BICRAL: variants seen among roughly 807,000 people sequenced by gnomAD.
The protein encoded by BICRAL is BICRA like chromatin remodeling complex associated protein, also known as BRD4-interacting chromatin-remodeling complex-associated protein-like.
BICRAL carries 8 observed loss-of-function variants against 91.8 expected under a neutral mutation model. The ratio of observed to expected loss-of-function variants is 0.09; its 90% CI spans 0.05 to 0.16. The LOEUF (loss-of-function observed/expected upper bound fraction) is 0.16, where lower values mean the gene tolerates loss of function less well. BICRAL is among the 10% of genes least tolerant of loss of function. The pLI, the probability that BICRAL is intolerant of heterozygous loss-of-function variation, is 1.00. For missense variants in BICRAL, 1,038 were observed against 1,310.9 expected, an observed-to-expected ratio of 0.79 and a Z score of 3.21; for synonymous variants, 445 against 491.1, an observed-to-expected ratio of 0.91 and a Z score of 1.24.
intron 6 of BICRAL, among the ~76,000 whole-genome samples, chr6:42,847,628 A>T (rs1023198586): frequency 6.6e-6 from 1 of 152,068 alleles, no homozygotes; most frequent in South Asian, 2.1e-4. Context: ...AAAATTAAAA[A>T]ATTAGCCAGG....
chr6:42,820,604 A>G (rs1211667667), intron 2 of BICRAL, among the ~76,000 whole-genome samples: 3 of 152,174 alleles, frequency 2.0e-5, no homozygotes, highest in African/African-American at 4.8e-5. Flanking sequence ...TTACACTAGT[A>G]TAGTCATGTG....
intron 6 of BICRAL, among the ~76,000 whole-genome samples, chr6:42,830,550 C>A (rs1009143878): frequency 8.2e-5 from 12 of 146,806 alleles, no homozygotes; most frequent in Admixed American, 2.0e-4. Flanking sequence ...TAGAGTGAGA[C>A]CCTGTCTCAA....
Position 42,866,613 on chromosome 6 carries a change from A to T in BICRAL, c.*1167A>T. 3 of 342,216 alleles carry T rather than the reference A, an allele frequency of 8.8e-6. No homozygotes were observed. Among genetic ancestry groups the T allele is most frequent in the South Asian group, 6.9e-5 (3 of 43,208 alleles). The allele number at this position is 342,216 out of a possible 1,614,324, so 21.2% of individuals were successfully genotyped here. ...GCAATTCATTACCAAAACACAGACA[A>T]ACCAAAGGTAACCAGCTAGCCCACC... On this transcript the variant is annotated 3_prime_UTR_variant, in exon 13 of 13. Coordinates refer to ENST00000314073, the MANE Select transcript of BICRAL (RefSeq NM_001393499.1).
chr6:42,802,043 G>A (rs941884531), intron 1 of BICRAL, among the ~76,000 whole-genome samples: 2 of 152,254 alleles, frequency 1.3e-5, no homozygotes, highest in African/African-American at 4.8e-5. Flanking sequence ...GGGAGGCCAA[G>A]GCAGGAGGAT....
chr6:42,755,571 T>C lies in BICRAL; in HGVS notation c.-261+8548T>C, dbSNP rs1414851816. The stretch of plus-strand genomic sequence containing the variant: ...TCTAACTTATCTGTGAAGACCCACC[T>C]CTTTGTCTCTCTCCTTCTCACTCAG... On this transcript the variant is annotated intron_variant, in intron 1 of 14. Coordinates refer to the BICRAL transcript ENST00000614467. Among the ~76,000 whole-genome samples the C allele has an allele frequency of 2.0e-5, 3 of 152,038 alleles. No individual in the cohort carries two copies. In the East Asian group the frequency reaches 5.8e-4, roughly 29 times the overall value.
At chr6:42,799,043 T>G (rs1763493869) in intron 1 of BICRAL, among the ~76,000 whole-genome samples, 1 of 152,178 alleles carries the variant, frequency 6.6e-6, no homozygotes, top group African/African-American at 2.4e-5. Context: ...GAGGGCTGAC[T>G]ATATTAACAG....
chr6:42,855,857 T>G lies in BICRAL; in HGVS notation c.2048T>G (p.Val683Gly). ...GSSPGHPAVQ[V>G]ESHSGGQKRP... is the part of the protein sequence containing the mutation. ...ATAAGAGGTTTGTTTTGTCTTTAGG[T>G]GGAGAGTCATTCGGGAGGACAAAAA... The change falls in exon 9 of 13, where the codon GTG (valine) becomes GGG (glycine). Residue 683 changes from valine (V) to glycine (G), a missense_variant and splice_region_variant. Around this residue, in one of 5 missense-constraint regions of BICRAL, gnomAD observed 532 missense variants for 724.9 expected, o/e 0.73. Coordinates refer to ENST00000314073, the MANE Select transcript of BICRAL (RefSeq NM_001393499.1). The G allele has an allele frequency of 6.2e-7, 1 of 1,612,460 alleles. No homozygotes were observed. Among genetic ancestry groups the G allele is most frequent in the Non-Finnish European group, 8.5e-7 (1 of 1,178,564 alleles).
At chr6:42,827,669 C>G (rs1227066796) in intron 5 of BICRAL, among the ~76,000 whole-genome samples, 1 of 152,120 alleles carries the variant, frequency 6.6e-6, no homozygotes, top group Non-Finnish European at 1.5e-5. Context: ...TACTTGCGTG[C>G]AGGAGTTCAA....
intron 1 of BICRAL, among the ~76,000 whole-genome samples, chr6:42,748,125 T>TC (rs1256839934): frequency 1.3e-5 from 2 of 149,878 alleles, no homozygotes; most frequent in African/African-American, 4.9e-5. Flanking sequence ...TTTTTTTTTT[T>TC]CCAGAAAAGC....
chr6:42,845,773 T>C (rs755736630), intron 6 of BICRAL, among the ~76,000 whole-genome samples: 3 of 152,028 alleles, frequency 2.0e-5, no homozygotes, highest in East Asian at 1.9e-4. Flanking sequence ...TAAAAAGTTA[T>C]AGATTCCTGG....
chr6:42,770,644 G>A (rs1489486214), intron 1 of BICRAL, among the ~76,000 whole-genome samples: 3 of 151,678 alleles, frequency 2.0e-5, no homozygotes, highest in Non-Finnish European at 4.4e-5. Flanking sequence ...TCGAACTCCT[G>A]ACCTCAGGTG....
intron 5 of BICRAL, 82 bp from the exon 6 acceptor site, chr6:42,828,411 A>T: frequency 7.5e-7 from 1 of 1,332,796 alleles, no homozygotes; most frequent in South Asian, 1.5e-5. Context: ...AAAAAAAAAA[A>T]AAAAAGTAAA....
In BICRAL at chr6:42,868,329, A is replaced by G. The variant is rs1765772396; in HGVS notation, c.*2883A>G. ...TTTGCTTAAATACCTTCATTTGTATAGTACGTCTCACTTGAAATTGCTTTG... is the reference window on the plus strand; with the variant it reads ...TTTGCTTAAATACCTTCATTTGTATGGTACGTCTCACTTGAAATTGCTTTG... On this transcript the variant is annotated 3_prime_UTR_variant, in exon 13 of 13. Coordinates refer to ENST00000314073, the MANE Select transcript of BICRAL (RefSeq NM_001393499.1). 1 of 152,420 alleles carries G rather than the reference A, an allele frequency of 6.6e-6. No homozygotes were observed. The highest frequency in any genetic ancestry group is 2.1e-4 in the South Asian group (1 of 4,824). 9.4% of individuals were successfully genotyped at this position (152,420 alleles called of 1,614,324 possible). A position where few individuals can be genotyped will look rare whatever the true frequency, so the allele number is the denominator to read the frequency against.
chr6:42,758,011 C>T (rs981945828), intron 1 of BICRAL, among the ~76,000 whole-genome samples: 2 of 152,178 alleles, frequency 1.3e-5, no homozygotes, highest in Non-Finnish European at 2.9e-5. Context: ...ACACCAAATC[C>T]ATAGTCTTCC....
intron 5 of BICRAL, among the ~76,000 whole-genome samples, chr6:42,827,478 A>G (rs1764338034): frequency 6.6e-6 from 1 of 152,350 alleles, no homozygotes; most frequent in Non-Finnish European, 1.5e-5. Flanking sequence ...TTATTTAGCA[A>G]CTGTCCTATT....
At chr6:42,850,122 T>A (rs1765133473) in intron 6 of BICRAL, among the ~76,000 whole-genome samples, 1 of 152,186 alleles carries the variant, frequency 6.6e-6, no homozygotes, top group Non-Finnish European at 1.5e-5. Flanking sequence ...AGCACTTACA[T>A]GTGAATGGTT....
chr6:42,819,089 C>G (rs1371395918), intron 2 of BICRAL, among the ~76,000 whole-genome samples: 2 of 152,074 alleles, frequency 1.3e-5, no homozygotes, highest in Admixed American at 6.6e-5. Flanking sequence ...AGGGATTTCC[C>G]CTTAGCCTCA....
At chr6:42,791,351 C>T (rs1485677808) in intron 1 of BICRAL, among the ~76,000 whole-genome samples, 1 of 152,128 alleles carries the variant, frequency 6.6e-6, no homozygotes, top group African/African-American at 2.4e-5. Context: ...TTATTTGGCT[C>T]TCTTATCTTG....
intron 1 of BICRAL, among the ~76,000 whole-genome samples, chr6:42,753,755 G>A (rs1474752879): frequency 2.6e-5 from 4 of 152,148 alleles, no homozygotes; most frequent in Non-Finnish European, 4.4e-5. Context: ...GGGATTACAG[G>A]TGTGCGCCAC....
Sources: gnomAD v4.1 joint callset for allele counts (sites outside exome capture counted in the v4.1 genomes callset) on GRCh38, gnomAD v4.1.1 for gene constraint, gnomAD v4.1.1 regional missense constraint, MANE v1.5 for transcripts, NCBI Gene and HGNC (gene_info 2026-07-23, HGNC 2026-07-21) for gene names.